Variants in RNGTT observed in about 807,000 individuals in gnomAD.
RNGTT encodes the protein RNA guanylyltransferase and 5'-phosphatase.
Under a neutral mutation model 79.3 loss-of-function variants are expected in RNGTT, and 33 were observed. That is an observed-to-expected ratio of 0.42 (90% CI 0.32 to 0.56). RNGTT has a LOEUF of 0.56. Ranked by LOEUF, RNGTT falls within the 20% of genes least tolerant of loss-of-function variation. The pLI is 0.17. For missense variants in RNGTT, 497 were observed against 739.1 expected (o/e 0.67, Z 3.80); for synonymous variants, 222 against 235.9 (o/e 0.94, Z 0.54).
At position 88,904,284 on chromosome 6, in the gene RNGTT, C is replaced by G. The variant is rs138497619; in HGVS notation, c.684+431G>C. Among the ~76,000 whole-genome samples, 689 of 152,190 alleles carry G rather than the reference C, an allele frequency of 4.5e-3. 5 individuals carry two copies. Among genetic ancestry groups the G allele is most frequent in the African/African-American group, 0.015 (633 of 41,522 alleles). ...AGACAGACTCGTGGCTATTAAGAAC[C>G]TTTAAAGGCCAAGCACAGTGGCTAA... is the stretch of plus-strand genomic sequence containing the variant. On this transcript the variant is annotated intron_variant, in intron 6 of 15. Coordinates refer to ENST00000369485, the MANE Select transcript of RNGTT (RefSeq NM_003800.5).
chr6:88,722,650 G>C (rs945096746), intron 13 of RNGTT, among the ~76,000 whole-genome samples: 2 of 152,172 alleles, frequency 1.3e-5, no homozygotes, highest in East Asian at 3.8e-4. Flanking sequence ...ATATTTTGAC[G>C]GGTTTTATTT....
intron 4 of RNGTT, among the ~76,000 whole-genome samples, chr6:88,908,210 AAC>A (rs1269563526): frequency 6.6e-6 from 1 of 152,232 alleles, no homozygotes; most frequent in Non-Finnish European, 1.5e-5. Context: ...TCTTAGATAA[AAC>A]ACAAAAAGCA....
At chr6:88,778,462 T>C (rs1336464734) in intron 12 of RNGTT, among the ~76,000 whole-genome samples, 2 of 152,162 alleles carry the variant, frequency 1.3e-5, no homozygotes, top group African/African-American at 2.4e-5. Flanking sequence ...CAAGTCAAAT[T>C]GCATTCTAAC....
intron 14 of RNGTT, among the ~76,000 whole-genome samples, chr6:88,641,924 A>G (rs1773335958): frequency 6.6e-6 from 1 of 152,236 alleles, no homozygotes; most frequent in South Asian, 2.1e-4. Flanking sequence ...TTTAAAAGAA[A>G]TAAAAAGTAA....
chr6:88,713,407 T>TATTTAGA (rs1408756334), intron 13 of RNGTT, among the ~76,000 whole-genome samples: 5 of 152,202 alleles, frequency 3.3e-5, no homozygotes, highest in Non-Finnish European at 7.3e-5. Flanking sequence ...TCTGACACTG[T>TATTTAGA]ATTTAGATAA....
chr6:88,899,794 A>G (rs945748807), intron 6 of RNGTT, among the ~76,000 whole-genome samples: 11 of 152,182 alleles, frequency 7.2e-5, no homozygotes, highest in Non-Finnish European at 2.9e-5. Flanking sequence ...CTAAGACACT[A>G]AGAAGCTGAA....
chr6:88,655,889 T>C (rs1281343060), intron 14 of RNGTT, among the ~76,000 whole-genome samples: 1 of 152,206 alleles, frequency 6.6e-6, no homozygotes, highest in East Asian at 1.9e-4. Context: ...TTCTTGGTTT[T>C]TATGGATTCT....
intron 10 of RNGTT, among the ~76,000 whole-genome samples, chr6:88,846,251 C>A (rs1360350605): frequency 6.6e-6 from 1 of 152,124 alleles, no homozygotes; most frequent in Non-Finnish European, 1.5e-5. Flanking sequence ...AGTTCTTACT[C>A]CCTTCAAAAC....
intron 13 of RNGTT, among the ~76,000 whole-genome samples, chr6:88,743,141 ATTG>A (rs1352556682): frequency 6.6e-6 from 1 of 152,228 alleles, no homozygotes; most frequent in Non-Finnish European, 1.5e-5. Flanking sequence ...AAAACACTGT[ATTG>A]TTCATGGAGC....
In RNGTT at chr6:88,963,599, T is replaced by C. The variant is rs899617969; in HGVS notation, c.-190A>G. 1.6e-5 allele frequency: 8 copies of C among 514,590 alleles called. No individual in the cohort carries two copies. The highest frequency in any genetic ancestry group is 2.0e-5 in the Non-Finnish European group (6 of 296,828). The allele number at this position is 514,590 out of a possible 1,614,324, so 31.9% of individuals were successfully genotyped here. On this transcript the variant is annotated 5_prime_UTR_variant, in exon 1 of 16. Coordinates refer to ENST00000369485, the MANE Select transcript of RNGTT (RefSeq NM_003800.5). ...TTTCATTCAGGATCAACTCCACAGCTCCAGGAGAACCCACAATGCACCGCA... is the reference window on the plus strand; with the variant it reads ...TTTCATTCAGGATCAACTCCACAGCCCCAGGAGAACCCACAATGCACCGCA...
intron 14 of RNGTT, among the ~76,000 whole-genome samples, chr6:88,665,338 G>A (rs1774357970): frequency 6.6e-6 from 1 of 152,146 alleles, no homozygotes; most frequent in South Asian, 2.1e-4. Context: ...CCAGTCCCCA[G>A]AGAAGCCCTG....
At chr6:88,618,267 T>C (rs1466729901) in intron 14 of RNGTT, among the ~76,000 whole-genome samples, 2 of 152,216 alleles carry the variant, frequency 1.3e-5, no homozygotes, top group Non-Finnish European at 2.9e-5. Flanking sequence ...ACACCAGTTA[T>C]AGTCCCAAGA....
At chr6:88,937,231 AGCT>A (rs1784693927) in intron 2 of RNGTT, among the ~76,000 whole-genome samples, 3 of 152,154 alleles carry the variant, frequency 2.0e-5, no homozygotes, top group Non-Finnish European at 4.4e-5. Flanking sequence ...CTGTAATCCC[AGCT>A]ACTCAGGAGG....
At chr6:88,905,004 C>T (rs1451498306) in intron 5 of RNGTT, 49 bp from the exon 6 acceptor site, 28 of 1,580,052 alleles carry the variant, frequency 1.8e-5, no homozygotes, top group Non-Finnish European at 2.3e-5. Flanking sequence ...TCTATTTATG[C>T]AGGCTTATCA....
Position 88,905,781 on chromosome 6 carries a change from G to GA in RNGTT, c.443+583dup, listed in dbSNP as rs544163255. Among the ~76,000 whole-genome samples the GA allele has an allele frequency of 5.8e-3, 882 of 152,212 alleles. 15 individuals are homozygous for GA. Among genetic ancestry groups the GA allele is most frequent in the African/African-American group, 0.019 (800 of 41,552 alleles). On this transcript the variant is annotated intron_variant, in intron 5 of 15. Transcript: ENST00000369485. ...TGTCTCTGATAATTCTGTAAGAGGT[G>GA]AAAAAAATCTGAAAAAGTGAATATA... is the stretch of plus-strand genomic sequence containing the variant.
At chr6:88,687,731 T>C (rs1775330543) in intron 13 of RNGTT, among the ~76,000 whole-genome samples, 1 of 152,136 alleles carries the variant, frequency 6.6e-6, no homozygotes, top group African/African-American at 2.4e-5. Flanking sequence ...TACAAAACAT[T>C]CATGTGTCTG....
chr6:88,877,018 C>A (rs748190884), intron 8 of RNGTT, among the ~76,000 whole-genome samples: 1 of 152,146 alleles, frequency 6.6e-6, no homozygotes, highest in African/African-American at 2.4e-5. Context: ...ATTTAAGGGA[C>A]CTTTTTATCC....
chr6:88,704,633 G>T (rs1158985166), intron 13 of RNGTT, among the ~76,000 whole-genome samples: 1 of 152,034 alleles, frequency 6.6e-6, no homozygotes, highest in Non-Finnish European at 1.5e-5. Flanking sequence ...TAATAATTAA[G>T]AAGTTTGGTT....
At chr6:88,639,209 T>C (rs1412955043) in intron 14 of RNGTT, among the ~76,000 whole-genome samples, 1 of 152,134 alleles carries the variant, frequency 6.6e-6, no homozygotes, top group African/African-American at 2.4e-5. Flanking sequence ...TGTGACACTA[T>C]TATAATAAAG....
Sources: gnomAD v4.1 joint callset for allele counts (sites outside exome capture counted in the v4.1 genomes callset) on GRCh38, gnomAD v4.1.1 for gene constraint, MANE v1.5 for transcripts, NCBI Gene and HGNC (gene_info 2026-07-23, HGNC 2026-07-21) for gene names.